RSF1: variants seen among roughly 807,000 people sequenced by gnomAD.
RSF1 encodes the protein remodeling and spacing factor 1.
In RSF1, 13 loss-of-function variants were observed where a neutral mutation model predicts 145.2. That is an observed-to-expected ratio of 0.09 (90% CI 0.06 to 0.14). The LOEUF is 0.14. Ranked by LOEUF, RSF1 falls within the 10% of genes least tolerant of loss-of-function variation. RSF1 has a pLI of 1.00. For missense variants in RSF1, 1,517 were observed against 1,718.2 expected, an observed-to-expected ratio of 0.88 and a Z score of 2.07; for synonymous variants, 577 against 592.6, an observed-to-expected ratio of 0.97 and a Z score of 0.38.
At chr11:77,768,368 C>A (rs1010169483) in intron 1 of RSF1, among the ~76,000 whole-genome samples, 1 of 151,904 alleles carries the variant, frequency 6.6e-6, no homozygotes, top group Non-Finnish European at 1.5e-5. Context: ...TTGCCATGTT[C>A]GTCAGGCTGG....
intron 2 of RSF1, among the ~76,000 whole-genome samples, chr11:77,748,253 C>A (rs2135919856): frequency 7.6e-6 from 1 of 130,788 alleles, no homozygotes; most frequent in Non-Finnish European, 1.6e-5. Flanking sequence ...GGAGATAGGT[C>A]TCACTCTGTT....
intron 4 of RSF1, chr11:77,734,969 C>A: frequency 9.4e-6 from 15 of 1,596,520 alleles, no homozygotes; most frequent in Admixed American, 3.3e-5. Flanking sequence ...CGGTTGATGG[C>A]GGCCTCTGAG....
upstream of RSF1, among the ~76,000 whole-genome samples, chr11:77,823,694 A>G (rs1305098405): frequency 6.6e-6 from 1 of 152,032 alleles, no homozygotes; most frequent in African/African-American, 2.4e-5. Flanking sequence ...GGAAACATAC[A>G]AAGACTTTCA....
Position 77,701,628 on chromosome 11 carries a change from G to A in RSF1, c.1601C>T (p.Pro534Leu), listed in dbSNP as rs777459078. The A allele has an allele frequency of 3.1e-6, 5 of 1,613,994 alleles. No individual in the cohort carries two copies. Among genetic ancestry groups the A allele is most frequent in the Admixed American group, 3.3e-5 (2 of 59,992 alleles). ...SQKAQIEEPD[P>L]PEMETSLDSS... Reference sequence around the variant, plus strand: ...ATCAAGAGAAGTTTCCATTTCTGGAGGATCGGGTTCCTCTATTTGTGCTTT... The same window carrying A: ...ATCAAGAGAAGTTTCCATTTCTGGAAGATCGGGTTCCTCTATTTGTGCTTT... Residue 534 changes from proline to leucine, a missense_variant, in exon 6 of 16, where the codon CCT becomes CTT. By Grantham distance (98) the Pro-to-Leu change is moderately conservative. Coordinates refer to ENST00000308488, the MANE Select transcript of RSF1 (RefSeq NM_016578.4).
At chr11:77,741,241 GTATAA>G (rs1413512902) in intron 3 of RSF1, among the ~76,000 whole-genome samples, 6 of 152,134 alleles carry the variant, frequency 3.9e-5, no homozygotes, top group African/African-American at 1.2e-4. Flanking sequence ...TCATCTCATG[GTATAA>G]GATTTTCTGT....
intron 1 of RSF1, among the ~76,000 whole-genome samples, chr11:77,794,809 A>C (rs1048843356): frequency 6.6e-6 from 1 of 152,216 alleles, no homozygotes; most frequent in Non-Finnish European, 1.5e-5. Flanking sequence ...AAGGATGAAT[A>C]CTTTCAGCAC....
At chr11:77,768,167 T>TC (rs1417945109) in intron 1 of RSF1, among the ~76,000 whole-genome samples, 1 of 147,722 alleles carries the variant, frequency 6.8e-6, no homozygotes, top group Non-Finnish European at 1.5e-5. Context: ...TCAGCTTTTT[T>TC]TTTTTTTTTT....
intron 5 of RSF1, among the ~76,000 whole-genome samples, chr11:77,719,322 G>A (rs1270068933): frequency 6.6e-6 from 1 of 151,958 alleles, no homozygotes; most frequent in African/African-American, 2.4e-5. Flanking sequence ...AATAATTCTT[G>A]GTCTTTGTTA....
intron 1 of RSF1, among the ~76,000 whole-genome samples, chr11:77,817,769 T>C (rs1948795946): frequency 6.6e-6 from 1 of 152,208 alleles, no homozygotes; most frequent in Admixed American, 6.5e-5. Context: ...ACTAAATCCA[T>C]GTCTTTTAAC....
At chr11:77,808,141 C>A (rs1408755505) in intron 1 of RSF1, among the ~76,000 whole-genome samples, 1 of 152,036 alleles carries the variant, frequency 6.6e-6, no homozygotes, top group East Asian at 1.9e-4. Context: ...CAAGACCAGC[C>A]TGGACAACAT....
chr11:77,858,327 T>G, the RSF1 span, among the ~76,000 whole-genome samples: 3 of 143,006 alleles, frequency 2.1e-5, no homozygotes, highest in African/African-American at 8.1e-5. Context: ...TTTTTTTTTT[T>G]GTAGTTGCAA....
At chr11:77,752,707 G>A (rs929000763) in intron 2 of RSF1, among the ~76,000 whole-genome samples, 3 of 152,220 alleles carry the variant, frequency 2.0e-5, no homozygotes, top group Middle Eastern at 3.4e-3. Context: ...ACTGTCAGAG[G>A]TACTGAACCA....
At chr11:77,760,903 A>G (rs1311241363) in intron 2 of RSF1, among the ~76,000 whole-genome samples, 1 of 151,774 alleles carries the variant, frequency 6.6e-6, no homozygotes, top group Non-Finnish European at 1.5e-5. Flanking sequence ...AAGACACACT[A>G]GGTTATTTTC....
the RSF1 span, among the ~76,000 whole-genome samples, chr11:77,832,599 T>G: frequency 6.6e-6 from 1 of 152,112 alleles, no homozygotes; most frequent in African/African-American, 2.4e-5. Context: ...GTACTGGGAT[T>G]ACAGGCATGA....
chr11:77,863,052 G>A, the RSF1 span, among the ~76,000 whole-genome samples: 1 of 152,266 alleles, frequency 6.6e-6, no homozygotes, highest in South Asian at 2.1e-4. Context: ...ATGGTGGCAA[G>A]CCTCGTGTTC....
chr11:77,719,473 T>C (rs1377488295), intron 5 of RSF1, among the ~76,000 whole-genome samples: 1 of 152,060 alleles, frequency 6.6e-6, no homozygotes, highest in African/African-American at 2.4e-5. Context: ...CAAAATGGAG[T>C]GTAAATCTCA....
At chr11:77,716,144 A>AAGAAAG (rs1307971072) in intron 5 of RSF1, among the ~76,000 whole-genome samples, 13 of 152,328 alleles carry the variant, frequency 8.5e-5, no homozygotes, top group African/African-American at 2.6e-4. Flanking sequence ...GAAAAAAAAA[A>AAGAAAG]AGAAAGAGAA....
chr11:77,766,894 C>G (rs1948231898), intron 1 of RSF1, among the ~76,000 whole-genome samples: 1 of 152,116 alleles, frequency 6.6e-6, no homozygotes, highest in African/African-American at 2.4e-5. Context: ...TCAGGAAAAC[C>G]TCAATCCAGA....
At chr11:77,841,252 G>A in the RSF1 span, 10 of 702,090 alleles carry the variant, frequency 1.4e-5, no homozygotes, top group Admixed American at 2.0e-4. Context: ...TGTTATAATG[G>A]CAGTTAAATT....
Sources: gnomAD v4.1 joint callset for allele counts (sites outside exome capture counted in the v4.1 genomes callset) on GRCh38, gnomAD v4.1.1 for gene constraint, MANE v1.5 for transcripts, NCBI Gene and HGNC (gene_info 2026-07-23, HGNC 2026-07-21) for gene names.